The following VPS37A variants were observed in gnomAD, a reference collection of about 807,000 sequenced individuals.
The protein encoded by VPS37A is vacuolar protein sorting-associated protein 37A.
In VPS37A, 30 loss-of-function variants were observed where a neutral mutation model predicts 49.8. The ratio of observed to expected loss-of-function variants is 0.60; its 90% confidence interval spans 0.45 to 0.82. The LOEUF is 0.82. Ranked by LOEUF, VPS37A falls within the 40% of genes least tolerant of loss-of-function variation. The pLI, the probability that VPS37A is intolerant of heterozygous loss-of-function variation, is 0.00. For missense variants in VPS37A, 593 were observed against 464.4 expected (o/e 1.28, Z -2.55); for synonymous variants, 195 against 160.6 (o/e 1.21, Z -1.62).
At chr8:17,265,669 C>T in intron 1 of VPS37A, 9 of 1,067,302 alleles carry the variant, frequency 8.4e-6, no homozygotes, top group Admixed American at 7.0e-5. Flanking sequence ...TTTTTTCTTG[C>T]CTCTTTACAT....
chr8:17,279,742 A>G, intron 6 of VPS37A: 1 of 485,962 alleles, frequency 2.1e-6, no homozygotes, highest in African/African-American at 1.9e-5. Flanking sequence ...AACTGTGAAC[A>G]CTTCCCCACG....
chr8:17,265,160 C>T (rs1164722702), intron 1 of VPS37A, among the ~76,000 whole-genome samples: 1 of 152,128 alleles, frequency 6.6e-6, no homozygotes, highest in East Asian at 1.9e-4. Flanking sequence ...CAGAGTCACT[C>T]ATGGTGGAAA....
chr8:17,269,827 G>A (rs550240091), intron 4 of VPS37A, among the ~76,000 whole-genome samples: 37 of 152,080 alleles, frequency 2.4e-4, no homozygotes, highest in African/African-American at 6.0e-4. Context: ...TCATGTTCTC[G>A]TACTAAAGAT....
chr8:17,285,344 C>G (rs1815491514), intron 10 of VPS37A, among the ~76,000 whole-genome samples: 1 of 152,038 alleles, frequency 6.6e-6, no homozygotes, highest in African/African-American at 2.4e-5. Flanking sequence ...TGTTTTACCA[C>G]TTGTTGAAAG....
chr8:17,267,168 T>G (rs1482030491), intron 2 of VPS37A, among the ~76,000 whole-genome samples: 1 of 152,172 alleles, frequency 6.6e-6, no homozygotes, highest in Non-Finnish European at 1.5e-5. Flanking sequence ...ATTTAGTGCC[T>G]TTTTTACCAA....
chr8:17,316,695 A>G, the VPS37A span, among the ~76,000 whole-genome samples: 1 of 152,216 alleles, frequency 6.6e-6, no homozygotes, highest in Non-Finnish European at 1.5e-5. Context: ...GTAATAGAAA[A>G]CCAATCCAGT....
the VPS37A span, among the ~76,000 whole-genome samples, chr8:17,326,765 C>G: frequency 0.29 from 44,442 of 151,804 alleles, 7,969 homozygotes; most frequent in African/African-American, 0.5. Flanking sequence ...CTGATGAGAA[C>G]GCAGCCCAGC....
downstream of VPS37A, chr8:17,298,700 A>G (rs1586117442): frequency 6.6e-6 from 1 of 152,586 alleles, no homozygotes; most frequent in South Asian, 2.1e-4. Flanking sequence ...AATACCATTT[A>G]TTTATGTCCA....
chr8:17,329,889 A>G, the VPS37A span, among the ~76,000 whole-genome samples: 1 of 152,180 alleles, frequency 6.6e-6, no homozygotes, highest in African/African-American at 2.4e-5. Context: ...TGAGAGACTG[A>G]CTGCCAATTA....
chr8:17,247,912 GTC>G (rs1218046499), intron 1 of VPS37A: 1 of 623,590 alleles, frequency 1.6e-6, no homozygotes, highest in African/African-American at 1.8e-5. Flanking sequence ...TGTTGGAGCA[GTC>G]TCTCCCCATC....
At chr8:17,329,950 A>C in the VPS37A span, among the ~76,000 whole-genome samples, 2 of 152,180 alleles carry the variant, frequency 1.3e-5, no homozygotes, top group African/African-American at 2.4e-5. Flanking sequence ...CAGATGTAGG[A>C]AGGGATTTCT....
At chr8:17,318,826 C>T in the VPS37A span, among the ~76,000 whole-genome samples, 10 of 152,322 alleles carry the variant, frequency 6.6e-5, no homozygotes, top group East Asian at 1.9e-3. Flanking sequence ...AAGCAGCCTC[C>T]ACAGGCATCC....
At chr8:17,284,960 T>A (rs2150412017) in intron 10 of VPS37A, among the ~76,000 whole-genome samples, 1 of 152,300 alleles carries the variant, frequency 6.6e-6, no homozygotes, top group South Asian at 2.1e-4. Context: ...CGTGTGGCTA[T>A]TTCCTGTCTG....
downstream of VPS37A, among the ~76,000 whole-genome samples, chr8:17,304,919 G>A (rs1817356378): frequency 6.6e-6 from 1 of 152,110 alleles, no homozygotes; most frequent in Admixed American, 6.6e-5. Flanking sequence ...TGAAGAAACT[G>A]AGGAATAGAG....
the VPS37A span, among the ~76,000 whole-genome samples, chr8:17,309,644 C>A: frequency 6.6e-6 from 1 of 152,198 alleles, no homozygotes; most frequent in African/African-American, 2.4e-5. Context: ...GGTATTCTCA[C>A]TCTTTTAGAA....
chr8:17,263,958 A>T (rs954165954), intron 1 of VPS37A, among the ~76,000 whole-genome samples: 11 of 152,128 alleles, frequency 7.2e-5, no homozygotes, highest in Non-Finnish European at 1.5e-4. Context: ...CAAACAAAAA[A>T]CTTTAATACT....
chr8:17,264,051 G>C (rs1292421856), intron 1 of VPS37A, among the ~76,000 whole-genome samples: 1 of 152,116 alleles, frequency 6.6e-6, no homozygotes, highest in Non-Finnish European at 1.5e-5. Context: ...TATTTGCCTG[G>C]TACTGTGTTG....
chr8:17,280,133 A>G lies in VPS37A; in HGVS notation c.819A>G (p.Val273=). The change falls in exon 7 of 12, where the codon GTA becomes GTG. Residue 273 remains valine, a synonymous_variant. Coordinates refer to ENST00000324849, the MANE Select transcript of VPS37A (RefSeq NM_152415.3). The part of the protein sequence containing the change: ...KQIITDKDDL[V]KSIEELARKN... ...TTATTACCGACAAAGATGACTTAGT[A>G]AAAAGTATTGAGGAACTAGCAAGTA... 1 of 1,612,776 alleles carries G rather than the reference A, an allele frequency of 6.2e-7. No homozygotes were observed. Among genetic ancestry groups the G allele is most frequent in the Non-Finnish European group, 8.5e-7 (1 of 1,179,298 alleles).
At chr8:17,280,907 A>C (rs1450920650) in intron 9 of VPS37A, among the ~76,000 whole-genome samples, 1 of 152,008 alleles carries the variant, frequency 6.6e-6, no homozygotes, top group Non-Finnish European at 1.5e-5. Context: ...TATAAAATTC[A>C]ACCTATATTT....
Sources: gnomAD v4.1 joint callset for allele counts (sites outside exome capture counted in the v4.1 genomes callset) on GRCh38, gnomAD v4.1.1 for gene constraint, MANE v1.5 for transcripts, NCBI Gene and HGNC (gene_info 2026-07-23, HGNC 2026-07-21) for gene names.